Variants in SEC61B observed in about 807,000 individuals in gnomAD.
SEC61B encodes protein transport protein Sec61 subunit beta.
A neutral mutation model predicts 12.6 loss-of-function variants in SEC61B; 7 were observed. That is an observed-to-expected ratio of 0.55 (90% CI 0.32 to 1.04). SEC61B has a LOEUF of 1.04. Among genes scored for constraint, SEC61B ranks in the 50% least tolerant of loss-of-function variants. The pLI is 0.05. For synonymous variants in SEC61B, 54 were observed against 50.1 expected (o/e 1.08, Z -0.33); for missense variants, 107 against 130.1 (o/e 0.82, Z 0.86).
chr9:99,224,360 C>T (rs1588622331), intron 2 of SEC61B, among the ~76,000 whole-genome samples: 2 of 152,174 alleles, frequency 1.3e-5, no homozygotes, highest in East Asian at 3.9e-4. Context: ...CCCCTTCCCA[C>T]CCTGGGTTTT....
intron 3 of SEC61B, among the ~76,000 whole-genome samples, chr9:99,228,576 C>G (rs944275267): frequency 6.6e-6 from 1 of 152,178 alleles, no homozygotes; most frequent in African/African-American, 2.4e-5. Flanking sequence ...TCCAGGGACC[C>G]CTGTCCCCAT....
rs170623 is a variant in SEC61B, at chr9:99,222,654, C to G, written c.101+11C>G. On this transcript the variant is annotated intron_variant, in intron 2 of 3. Coordinates refer to ENST00000223641, the MANE Select transcript of SEC61B (RefSeq NM_006808.3). ...CACTGTCCGGCAGAGGTAAGGAACCCTGCAGTTCGTTCGCTTCCAGACTCG... is the reference window on the plus strand; with the variant it reads ...CACTGTCCGGCAGAGGTAAGGAACCGTGCAGTTCGTTCGCTTCCAGACTCG... 0.25 allele frequency: 380,827 copies of G among 1,514,698 alleles called. 50,985 individuals are homozygous for G. The highest frequency in any genetic ancestry group is 0.29 in the Middle Eastern group (1,724 of 5,856). The allele number at this position is 1,514,698 out of a possible 1,614,324, so 93.8% of individuals were successfully genotyped here.
At chr9:99,229,303 T>C (rs2119022677) in intron 3 of SEC61B, among the ~76,000 whole-genome samples, 1 of 151,998 alleles carries the variant, frequency 6.6e-6, no homozygotes, top group South Asian at 2.1e-4. Context: ...TTGGTGGAGG[T>C]AGTTTGAGTA....
At chr9:99,228,361 TG>T (rs1473853030) in intron 3 of SEC61B, among the ~76,000 whole-genome samples, 1 of 152,198 alleles carries the variant, frequency 6.6e-6, no homozygotes, top group Non-Finnish European at 1.5e-5. Flanking sequence ...GAATAGGAAT[TG>T]GGTGATTTTT....
At chr9:99,225,017 C>G (rs1020762179) in intron 2 of SEC61B, among the ~76,000 whole-genome samples, 7 of 152,116 alleles carry the variant, frequency 4.6e-5, no homozygotes, top group African/African-American at 1.7e-4. Flanking sequence ...AGCAATAATG[C>G]TTTATAAACT....
chr9:99,224,410 G>A (rs760959931), intron 2 of SEC61B, among the ~76,000 whole-genome samples: 1 of 152,146 alleles, frequency 6.6e-6, no homozygotes, highest in Non-Finnish European at 1.5e-5. Context: ...TGTCCTGTGG[G>A]TGCGGTTCCT....
chr9:99,230,558 A>G lies in SEC61B; in HGVS notation c.*134A>G. On this transcript the variant is annotated 3_prime_UTR_variant, in exon 4 of 4. Coordinates refer to ENST00000223641, the MANE Select transcript of SEC61B (RefSeq NM_006808.3). ...CTGTTTTACAGGGGATTTATCAATA[A>G]TTGATTTTGAGGAATCAGTTTTTTT... 2 of 642,410 alleles carry G rather than the reference A, an allele frequency of 3.1e-6. No homozygotes were observed. The highest frequency in any genetic ancestry group is 5.5e-6 in the Non-Finnish European group (2 of 366,694). The allele number at this position is 642,410 out of a possible 1,614,324, so 39.8% of individuals were successfully genotyped here. A position where few individuals can be genotyped will look rare whatever the true frequency, so the allele number is the denominator to read the frequency against.
intron 3 of SEC61B, among the ~76,000 whole-genome samples, chr9:99,229,968 A>T (rs1014419662): frequency 6.6e-6 from 1 of 152,222 alleles, no homozygotes; most frequent in Admixed American, 6.5e-5. Flanking sequence ...TTGAAAAAAA[A>T]AGTTTGGTAA....
intron 3 of SEC61B, among the ~76,000 whole-genome samples, chr9:99,228,838 G>A (rs1828928682): frequency 6.6e-6 from 1 of 152,206 alleles, no homozygotes; most frequent in Admixed American, 6.5e-5. Context: ...GAGGACCTCA[G>A]GTTCAAAGAG....
intron 1 of SEC61B, 30 bp downstream of exon 1, chr9:99,222,396 C>A: frequency 6.2e-7 from 1 of 1,614,152 alleles, no homozygotes; most frequent in Middle Eastern, 1.6e-4. Flanking sequence ...ATCCCCGCCT[C>A]TCCCAGAAGC....
rs79408920 is a variant in SEC61B, at chr9:99,229,787, G to T, written c.204-550G>T. On this transcript the variant is annotated intron_variant, in intron 3 of 3. Coordinates refer to ENST00000223641, the MANE Select transcript of SEC61B (RefSeq NM_006808.3). ...TACAATGTGTAATAATCATATCAGG[G>T]TGTGTGGGGTATCCATTACCTTAAG... 1.5e-3 allele frequency among the ~76,000 whole-genome samples: 232 copies of T among 152,264 alleles called. 1 individual carries two copies. Among genetic ancestry groups the T allele is most frequent in the Non-Finnish European group, 2.2e-3 (151 of 68,022 alleles).
chr9:99,222,639 C>G lies in SEC61B; in HGVS notation c.97C>G (p.Gln33Glu). Reference sequence around the variant, plus strand: ...CCGGGCGGCGGGATCCACTGTCCGGCAGAGGTAAGGAACCCTGCAGTTCGT... The same window carrying G: ...CCGGGCGGCGGGATCCACTGTCCGGGAGAGGTAAGGAACCCTGCAGTTCGT... ...AARAAGSTVR[Q>E]RKNASCGTRS... The change falls in exon 2 of 4, where the codon CAG becomes GAG. Residue 33 changes from glutamine (Q) to glutamate (E), a missense_variant. Physicochemically the swap from Gln to Glu is conservative, Grantham distance 29. Transcript: ENST00000223641. 2 of 1,542,332 alleles carry G rather than the reference C, an allele frequency of 1.3e-6. No homozygotes were observed. The highest frequency in any genetic ancestry group is 2.7e-5 in the African/African-American group (2 of 72,968).
intron 2 of SEC61B, among the ~76,000 whole-genome samples, chr9:99,227,099 C>G (rs1213888875): frequency 2.0e-5 from 3 of 151,832 alleles, no homozygotes; most frequent in African/African-American, 7.3e-5. Context: ...AACCCTGTCT[C>G]TACTAAAAAT....
At chr9:99,222,795 G>A (rs1564225256) in intron 2 of SEC61B, 152 bp downstream of exon 2, 1 of 578,482 alleles carries the variant, frequency 1.7e-6, no homozygotes, top group Non-Finnish European at 3.0e-6. Context: ...AGGCCTTTTG[G>A]GAGGAAGGCG....
rs1419564068 is a variant in SEC61B, at chr9:99,230,402, G to A, written c.269G>A (p.Trp90Ter). ...GCTTCTGTATTTATGTTGCACATTT[G>A]GGGCAAGTACACTCGTTCGTAGATT... ...FIASVFMLHI[W>*]GKYTRS The change falls in exon 4 of 4, where the codon TGG (tryptophan) becomes TAG (stop). Residue 90 changes from tryptophan to a stop codon, truncating the protein, a stop_gained. Transcript: ENST00000223641. LOFTEE classifies it high-confidence loss of function. 6.2e-7 allele frequency: 1 copy of A among 1,608,998 alleles called. No homozygotes were observed. The highest frequency in any genetic ancestry group is 1.3e-5 in the African/African-American group (1 of 74,836).
intron 2 of SEC61B, among the ~76,000 whole-genome samples, chr9:99,226,033 A>C (rs1480108219): frequency 6.6e-6 from 1 of 152,256 alleles, no homozygotes; most frequent in Non-Finnish European, 1.5e-5. Context: ...TTCTAAGGGC[A>C]TGAATCTTTC....
At chr9:99,227,176 G>T (rs1755668) in intron 2 of SEC61B, among the ~76,000 whole-genome samples, 1 of 141,632 alleles carries the variant, frequency 7.1e-6, no homozygotes, top group Non-Finnish European at 1.5e-5. Flanking sequence ...TGAGGCAGAA[G>T]AATCGCTTGA....
chr9:99,222,494 C>A lies in SEC61B; in HGVS notation c.4-52C>A, dbSNP rs1337974487. 5 of 1,603,086 alleles carry A rather than the reference C, an allele frequency of 3.1e-6. No homozygotes were observed. In the South Asian group the frequency reaches 5.5e-5, roughly 18 times the overall value. On this transcript the variant is annotated intron_variant, in intron 1 of 3. Coordinates refer to ENST00000223641, the MANE Select transcript of SEC61B (RefSeq NM_006808.3). ...GGGTGTGGGTGTCTAGGCCGGGGTT[C>A]TGGGGCAGGCCTGCCGCGCTCACCC...
rs756980802 is a variant in SEC61B, at chr9:99,227,954, G to A, written c.157G>A (p.Gly53Arg). 2.5e-6 allele frequency: 4 copies of A among 1,613,256 alleles called. No individual in the cohort carries two copies. Among genetic ancestry groups the A allele is most frequent in the South Asian group, 2.2e-5 (2 of 91,006 alleles). Residue 53 changes from glycine to arginine, a missense_variant, in exon 3 of 4, where the codon GGG becomes AGG. Gly to Arg is a moderately radical substitution (Grantham distance 125). Transcript: ENST00000223641. ...SAGRTTSAGT[G>R]GMWRFYTEDS... ...AGGCCGCACAACCTCGGCAGGCACC[G>A]GGGGGATGTGGCGATTCTACACAGA...
Sources: allele counts gnomAD v4.1 joint callset (sites outside exome capture counted in the v4.1 genomes callset), GRCh38; gene constraint gnomAD v4.1.1; transcripts MANE v1.5; gene names NCBI Gene and HGNC (gene_info 2026-07-23, HGNC 2026-07-21).